The following CREB5 variants were observed in gnomAD, a reference collection of about 807,000 sequenced individuals.
CREB5 encodes cyclic AMP-responsive element-binding protein 5.
A neutral mutation model predicts 57.1 loss-of-function variants in CREB5; 19 were observed. That is an observed-to-expected ratio of 0.33 (90% confidence interval 0.23 to 0.49). The LOEUF is 0.49. Among genes scored for constraint, CREB5 ranks in the 20% least tolerant of loss-of-function variants. CREB5 has a pLI of 0.99. For missense variants in CREB5, 579 were observed against 671.6 expected, an observed-to-expected ratio of 0.86 and a Z score of 1.52; for synonymous variants, 238 against 238.3, an observed-to-expected ratio of 1.00 and a Z score of 0.01.
At chr7:28,790,866 A>C (rs925939172) in intron 7 of CREB5, among the ~76,000 whole-genome samples, 11 of 152,216 alleles carry the variant, frequency 7.2e-5, no homozygotes, top group African/African-American at 2.7e-4. Context: ...AGAACTACCC[A>C]CTGCTAGACC....
intron 1 of CREB5, among the ~76,000 whole-genome samples, chr7:28,362,904 G>A (rs1228432480): frequency 6.6e-6 from 1 of 152,108 alleles, no homozygotes; most frequent in Non-Finnish European, 1.5e-5. Context: ...TATTCTAGCT[G>A]GTTGTTTTTA....
chr7:28,461,734 T>C (rs1790358091), intron 1 of CREB5, among the ~76,000 whole-genome samples: 1 of 152,176 alleles, frequency 6.6e-6, no homozygotes, highest in Non-Finnish European at 1.5e-5. Context: ...ACTTTTTCAT[T>C]TAAATAAATT....
intron 7 of CREB5, among the ~76,000 whole-genome samples, chr7:28,751,442 G>A (rs1285903181): frequency 1.3e-5 from 2 of 152,154 alleles, no homozygotes; most frequent in African/African-American, 4.8e-5. Flanking sequence ...GGTTAAATTC[G>A]CCATTTCAGA....
intron 1 of CREB5, among the ~76,000 whole-genome samples, chr7:28,341,741 C>G (rs1328426101): frequency 6.6e-6 from 1 of 152,200 alleles, no homozygotes; most frequent in Non-Finnish European, 1.5e-5. Flanking sequence ...TGTAGTGGAG[C>G]CACACAGCCG....
At chr7:28,471,493 A>C (rs982762550) in intron 1 of CREB5, among the ~76,000 whole-genome samples, 11 of 152,110 alleles carry the variant, frequency 7.2e-5, no homozygotes, top group African/African-American at 2.2e-4. Flanking sequence ...TAATTTGGCT[A>C]TTTGGGGTCT....
At chr7:28,599,751 TTTG>T (rs1452467100) in intron 5 of CREB5, among the ~76,000 whole-genome samples, 1 of 2,720 alleles carries the variant, frequency 3.7e-4, no homozygotes, top group Non-Finnish European at 0.015. Context: ...TTTGTTTTGT[TTTG>T]TTTTTTTATT....
chr7:28,435,381 ATTTTTTTT>A (rs34815040), intron 1 of CREB5, among the ~76,000 whole-genome samples: 1 of 103,516 alleles, frequency 9.7e-6, no homozygotes, highest in African/African-American at 3.7e-5. Flanking sequence ...TTTCCCTTCC[ATTTTTTTT>A]TTTTTTTTTT....
At chr7:28,548,564 A>G (rs1794503615) in intron 4 of CREB5, among the ~76,000 whole-genome samples, 1 of 152,182 alleles carries the variant, frequency 6.6e-6, no homozygotes, top group South Asian at 2.1e-4. Context: ...ACATGCAGAA[A>G]TATCTGGCTC....
At chr7:28,696,074 A>G (rs1381706720) in intron 5 of CREB5, among the ~76,000 whole-genome samples, 1 of 152,198 alleles carries the variant, frequency 6.6e-6, no homozygotes, top group East Asian at 1.9e-4. Flanking sequence ...GTGGAGCAGC[A>G]TTTTCACAAG....
intron 7 of CREB5, among the ~76,000 whole-genome samples, chr7:28,750,290 G>T (rs117481251): frequency 6.6e-6 from 1 of 152,118 alleles, no homozygotes; most frequent in Non-Finnish European, 1.5e-5. Context: ...CCTTGGGGTC[G>T]TCACTGTCCT....
At chr7:28,501,852 C>G (rs1792287547) in intron 3 of CREB5, among the ~76,000 whole-genome samples, 1 of 152,124 alleles carries the variant, frequency 6.6e-6, no homozygotes, top group South Asian at 2.1e-4. Flanking sequence ...TCTTTTGGAG[C>G]TAGTTGAGCA....
At chr7:28,765,568 A>G (rs1272442170) in intron 7 of CREB5, among the ~76,000 whole-genome samples, 1 of 152,194 alleles carries the variant, frequency 6.6e-6, no homozygotes, top group Non-Finnish European at 1.5e-5. Context: ...TGGAGCCATG[A>G]TATAGGTAGA....
chr7:28,462,912 A>G (rs552815412), intron 1 of CREB5, among the ~76,000 whole-genome samples: 1 of 152,242 alleles, frequency 6.6e-6, no homozygotes, highest in South Asian at 2.1e-4. Flanking sequence ...CACACAAAAA[A>G]TTAATTTTGA....
chr7:28,473,621 G>A (rs1026890293), intron 1 of CREB5, among the ~76,000 whole-genome samples: 2 of 152,222 alleles, frequency 1.3e-5, no homozygotes, highest in Non-Finnish European at 2.9e-5. Context: ...TCTGACAGAA[G>A]ATGGGGAAGA....
chr7:28,541,392 G>T (rs1448729741), intron 4 of CREB5, among the ~76,000 whole-genome samples: 1 of 152,158 alleles, frequency 6.6e-6, no homozygotes, highest in Non-Finnish European at 1.5e-5. Context: ...TCCTGGCCAG[G>T]TGCGGTGGCT....
intron 5 of CREB5, among the ~76,000 whole-genome samples, chr7:28,705,314 G>A (rs1441178918): frequency 2.1e-5 from 3 of 141,228 alleles, no homozygotes; most frequent in Non-Finnish European, 4.5e-5. Flanking sequence ...AGTGAGCCGA[G>A]ATCACTCACC....
At chr7:28,786,218 G>A (rs1231032889) in intron 7 of CREB5, among the ~76,000 whole-genome samples, 2 of 152,106 alleles carry the variant, frequency 1.3e-5, no homozygotes, top group African/African-American at 4.8e-5. Context: ...GATGATCTAA[G>A]TAGAGAAAAG....
intron 1 of CREB5, among the ~76,000 whole-genome samples, chr7:28,314,474 G>A (rs948782253): frequency 2.6e-5 from 4 of 152,172 alleles, no homozygotes; most frequent in Admixed American, 2.6e-4. Flanking sequence ...TTGAAAGCAC[G>A]ATGGCTTTGT....
intron 1 of CREB5, among the ~76,000 whole-genome samples, chr7:28,425,386 T>G (rs1788463862): frequency 6.6e-6 from 1 of 151,690 alleles, no homozygotes; most frequent in Non-Finnish European, 1.5e-5. Flanking sequence ...ATGTCCAGAA[T>G]AGGCAAATCC....
Sources: allele counts gnomAD v4.1 joint callset (sites outside exome capture counted in the v4.1 genomes callset), GRCh38; gene constraint gnomAD v4.1.1; transcripts MANE v1.5; gene names NCBI Gene and HGNC (gene_info 2026-07-23, HGNC 2026-07-21).